H6PD: variants seen among roughly 807,000 people sequenced by gnomAD.
The protein encoded by H6PD is GDH/6PGL endoplasmic bifunctional protein.
Under a neutral mutation model 61.2 loss-of-function variants are expected in H6PD, and 48 were observed. That is an observed-to-expected ratio of 0.78 (90% confidence interval 0.62 to 1.00). H6PD has a LOEUF of 1.00. H6PD is among the 50% of genes least tolerant of loss of function. The pLI is 0.00. For synonymous variants in H6PD, 480 were observed against 457.9 expected, an observed-to-expected ratio of 1.05 and a Z score of -0.62; for missense variants, 1,093 against 1,065.0, an observed-to-expected ratio of 1.03 and a Z score of -0.37.
At chr1:9,241,173 G>A (rs1640986488) in intron 1 of H6PD, among the ~76,000 whole-genome samples, 1 of 152,120 alleles carries the variant, frequency 6.6e-6, no homozygotes, top group South Asian at 2.1e-4. Context: ...ACCCTTGGGG[G>A]CCAGGAGGAA....
Position 9,265,661 on chromosome 1 carries a change from TAAA to T in H6PD, c.*798_*800del. 6.6e-6 allele frequency: 1 copy of T among 152,200 alleles called. No homozygotes were observed. Among genetic ancestry groups the T allele is most frequent in the Non-Finnish European group, 1.5e-5 (1 of 68,076 alleles). 9.4% of individuals were successfully genotyped at this position (152,200 alleles called of 1,614,324 possible). ...CCAGAAATCTTTTTTCTTTTTTAAT[TAAA>T]AAAAATATTTGCAGAGATGAGCTCT... On this transcript the variant is annotated 3_prime_UTR_variant, in exon 5 of 5. Transcript: ENST00000377403.
intron 4 of H6PD, 129 bp from the exon 5 acceptor site, chr1:9,263,380 A>T (rs1638402309): frequency 1.1e-5 from 9 of 853,436 alleles, no homozygotes; most frequent in Non-Finnish European, 1.8e-5. Context: ...GCGAGGGGTG[A>T]GCATGGCAAG....
intron 3 of H6PD, among the ~76,000 whole-genome samples, chr1:9,255,275 A>T (rs12076525): frequency 4.0e-4 from 45 of 113,654 alleles, no homozygotes; most frequent in Middle Eastern, 4.2e-3. Context: ...TTATTTATTT[A>T]TTTATTTTTT....
chr1:9,262,496 C>G (rs1183281052), intron 4 of H6PD, among the ~76,000 whole-genome samples, 168 bp downstream of exon 4: 1 of 152,232 alleles, frequency 6.6e-6, no homozygotes, highest in Non-Finnish European at 1.5e-5. Flanking sequence ...TCCTACCAGC[C>G]TAAAGTGGCA....
intron 3 of H6PD, among the ~76,000 whole-genome samples, chr1:9,252,722 C>T (rs1234688161): frequency 6.6e-6 from 1 of 152,174 alleles, no homozygotes; most frequent in East Asian, 1.9e-4. Context: ...GTATATACTT[C>T]GGCAGTAGAA....
rs75701133 is a variant in H6PD at position 9,246,446 on chromosome 1, T to G, written c.628-520T>G. On this transcript the variant is annotated intron_variant, in intron 2 of 4. Coordinates refer to ENST00000377403, the MANE Select transcript of H6PD (RefSeq NM_004285.4). ...TGGGGGCATCCTGCCCCAGGAACCC[T>G]GGCAGAGAGTGCAGCAGCCCTGTGT... Among the ~76,000 whole-genome samples, 204 of 152,304 alleles carry G rather than the reference T, an allele frequency of 1.3e-3. 3 individuals are homozygous for G. The East Asian group carries it at 0.036, about 27-fold the overall frequency.
chr1:9,259,149 G>A (rs1360720777), intron 3 of H6PD, among the ~76,000 whole-genome samples: 9 of 152,160 alleles, frequency 5.9e-5, no homozygotes, highest in Non-Finnish European at 1.0e-4. Flanking sequence ...CCGCCACCAC[G>A]CCCAGCTAAT....
intron 4 of H6PD, 93 bp from the exon 5 acceptor site, chr1:9,263,416 G>T: frequency 8.1e-7 from 1 of 1,234,428 alleles, no homozygotes; most frequent in Non-Finnish European, 1.2e-6. Context: ...GAGGCAGGGG[G>T]ACGCCCAGAG....
Position 9,245,714 on chromosome 1 carries a change from G to A in H6PD, c.627+153G>A, listed in dbSNP as rs144144606. Among the ~76,000 whole-genome samples the A allele has an allele frequency of 1.5e-4, 23 of 152,308 alleles. No homozygotes were observed. The East Asian group carries it at 4.3e-3, about 28-fold the overall frequency. ...CCTTGAAGGTGGGCAGGAGGCGAGC[G>A]GGTAAAGGAAAGACAGCAGCAGGGC... On this transcript the variant is annotated intron_variant, in intron 2 of 4. Coordinates refer to ENST00000377403, the MANE Select transcript of H6PD (RefSeq NM_004285.4). The surrounding 1 kb of genome is among the most constrained non-coding windows in gnomAD (Gnocchi z 4.8).
chr1:9,243,979 T>C (rs1167935654), intron 1 of H6PD, among the ~76,000 whole-genome samples: 1 of 152,162 alleles, frequency 6.6e-6, no homozygotes, highest in Non-Finnish European at 1.5e-5. Flanking sequence ...GCACAGTCAG[T>C]CCCAGCTCCC....
chr1:9,240,397 A>T (rs1006956031), intron 1 of H6PD, among the ~76,000 whole-genome samples: 10 of 152,248 alleles, frequency 6.6e-5, no homozygotes, highest in African/African-American at 2.4e-4. Flanking sequence ...CCTTATAGAA[A>T]AGTGGAGGGC....
Position 9,245,651 on chromosome 1 carries a change from G to A in H6PD, c.627+90G>A, listed in dbSNP as rs910028601. ...AAGCCGCTCGCTCATTGTGGAGCTAGGCCCCAAGGCATTGTGAACTCAGAG... is the reference window on the plus strand; with the variant it reads ...AAGCCGCTCGCTCATTGTGGAGCTAAGCCCCAAGGCATTGTGAACTCAGAG... On this transcript the variant is annotated intron_variant, in intron 2 of 4. Transcript: ENST00000377403. The surrounding 1 kb of genome is among the most constrained non-coding windows in gnomAD (Gnocchi z 4.8). 4.6e-6 allele frequency: 6 copies of A among 1,313,404 alleles called. No homozygotes were observed. The highest frequency in any genetic ancestry group is 3.7e-5 in the Admixed American group (2 of 54,024). The allele number at this position is 1,313,404 out of a possible 1,614,324, so 81.4% of individuals were successfully genotyped here.
intron 1 of H6PD, chr1:9,242,765 G>C (rs1277866972): frequency 1.0e-6 from 1 of 985,486 alleles, no homozygotes; most frequent in Non-Finnish European, 1.2e-6. Flanking sequence ...CCGATCAGCA[G>C]CTCTGAAGCG....
intron 3 of H6PD, among the ~76,000 whole-genome samples, chr1:9,261,177 G>A (rs1315777059): frequency 6.6e-6 from 1 of 152,022 alleles, no homozygotes; most frequent in Admixed American, 6.5e-5. Context: ...TATAGGTCAG[G>A]TCTCGTCTTC....
rs1257941080 is a variant in H6PD, at chr1:9,263,910, T to C, written c.1417T>C (p.Phe473Leu). The C allele has an allele frequency of 6.2e-7, 1 of 1,614,174 alleles. No individual in the cohort carries two copies. Among genetic ancestry groups the C allele is most frequent in the Middle Eastern group, 1.6e-4 (1 of 6,062 alleles). ...SHIFHGRKNF[F>L]ITTENLLASW... ...TATCTTCCATGGCCGGAAGAATTTC[T>C]TCATCACCACAGAGAACTTGCTGGC... Residue 473 changes from phenylalanine (F) to leucine (L), a missense_variant, in exon 5 of 5, where the codon TTC becomes CTC. By Grantham distance (22) the Phe-to-Leu change is conservative. Coordinates refer to ENST00000377403, the MANE Select transcript of H6PD (RefSeq NM_004285.4).
intron 3 of H6PD, among the ~76,000 whole-genome samples, chr1:9,258,151 GTGT>G (rs1401087394): frequency 3.9e-5 from 6 of 152,242 alleles, no homozygotes; most frequent in Admixed American, 1.3e-4. Context: ...GTCAGCGTTG[GTGT>G]TGTTATGCTG....
intron 3 of H6PD, among the ~76,000 whole-genome samples, chr1:9,248,836 C>G (rs368664952): frequency 6.6e-6 from 1 of 152,216 alleles, no homozygotes; most frequent in East Asian, 1.9e-4. Flanking sequence ...CTTCATGGGT[C>G]TCAGGGAATC....
intron 4 of H6PD, 109 bp from the exon 5 acceptor site, chr1:9,263,400 T>A (rs1638403172): frequency 1.1e-6 from 1 of 927,466 alleles, no homozygotes; most frequent in Non-Finnish European, 1.7e-6. Context: ...GGCGAGGGGC[T>A]TCCCTGAGGC....
chr1:9,252,597 A>C (rs1375670361), intron 3 of H6PD, among the ~76,000 whole-genome samples: 3 of 152,220 alleles, frequency 2.0e-5, no homozygotes, highest in African/African-American at 4.8e-5. Context: ...CATACCACAA[A>C]ATTTACGCTT....
Sources: allele counts gnomAD v4.1 joint callset (sites outside exome capture counted in the v4.1 genomes callset), GRCh38; gene constraint gnomAD v4.1.1; non-coding constraint Gnocchi (gnomAD v3.1); transcripts MANE v1.5; gene names NCBI Gene and HGNC (gene_info 2026-07-23, HGNC 2026-07-21).